The following PABPC3 variants were observed in gnomAD, a reference collection of about 807,000 sequenced individuals.
PABPC3 encodes poly(A) binding protein cytoplasmic 3, also known as polyadenylate-binding protein 3.
A neutral mutation model predicts 43.0 loss-of-function variants in PABPC3; 43 were observed. The ratio of observed to expected loss-of-function variants is 1.00; its 90% CI spans 0.78 to 1.29. The LOEUF (loss-of-function observed/expected upper bound fraction) is 1.29, where lower values mean the gene tolerates loss of function less well. PABPC3 is among the 50% of genes most tolerant of loss of function. The pLI, the probability that PABPC3 is intolerant of heterozygous loss-of-function variation, is 0.00. For missense variants in PABPC3, 784 were observed against 798.1 expected, an observed-to-expected ratio of 0.98 and a Z score of 0.21; for synonymous variants, 221 against 274.6, an observed-to-expected ratio of 0.80 and a Z score of 1.93.
chr13:25,096,546 T>C lies in PABPC3; in HGVS notation c.348T>C (p.Tyr116=). ...AGTCCATTAATAATAAAGCACTGTATGATACAGTTTCTGCTTTTGGTAACA... is the reference window on the plus strand; with the variant it reads ...AGTCCATTAATAATAAAGCACTGTACGATACAGTTTCTGCTTTTGGTAACA... ...LDKSINNKAL[Y]DTVSAFGNIL... Residue 116 remains tyrosine (Y), a synonymous_variant, in exon 1 of 1, where the codon TAT becomes TAC. Transcript: ENST00000281589. 1 of 1,614,258 alleles carries C rather than the reference T, an allele frequency of 6.2e-7. No individual in the cohort carries two copies. Among genetic ancestry groups the C allele is most frequent in the South Asian group, 1.1e-5 (1 of 91,088 alleles).
chr13:25,097,666 G>C lies in PABPC3; in HGVS notation c.1468G>C (p.Ala490Pro), dbSNP rs759492184. Residue 490 changes from alanine to proline, a missense_variant, in exon 1 of 1, where the codon GCT (alanine) becomes CCT (proline). Transcript: ENST00000281589. Reference protein sequence around the residue: ...STQTVGPRPAAAAAAAATPAV... With the variant: ...STQTVGPRPAPAAAAAATPAV... ...ACAGACAGTGGGTCCACGTCCTGCA[G>C]CTGCTGCTGCTGCTGCAGCTACCCC... 6 of 1,462,640 alleles carry C rather than the reference G, an allele frequency of 4.1e-6. No individual in the cohort carries two copies. The East Asian group carries it at 1.3e-4, about 33-fold the overall frequency. The allele number at this position is 1,462,640 out of a possible 1,614,324, so 90.6% of individuals were successfully genotyped here.
rs1271880617 is a variant in PABPC3 at position 25,097,736 on chromosome 13, G to C, written c.1538G>C (p.Arg513Pro). 3 of 1,614,030 alleles carry C rather than the reference G, an allele frequency of 1.9e-6. No homozygotes were observed. The highest frequency in any genetic ancestry group is 2.7e-5 in the African/African-American group (2 of 75,016). ...VPRYKYAAGV[R>P]NPQQHRNAQP... ...CGGTATAAATATGCTGCGGGAGTTC[G>C]CAATCCTCAGCAACATCGTAATGCA... Residue 513 changes from arginine to proline, a missense_variant, in exon 1 of 1, where the codon CGC becomes CCC. By Grantham distance (103) the Arg-to-Pro change is moderately radical. Coordinates refer to ENST00000281589, the MANE Select transcript of PABPC3 (RefSeq NM_030979.3).
Position 25,096,374 on chromosome 13 carries a change from T to G in PABPC3, c.176T>G (p.Phe59Cys), listed in dbSNP as rs370068068. 2.4e-5 allele frequency: 39 copies of G among 1,614,112 alleles called. No homozygotes were observed. The highest frequency in any genetic ancestry group is 1.6e-4 in the Middle Eastern group (1 of 6,084). Residue 59 changes from phenylalanine to cysteine, a missense_variant, in exon 1 of 1, where the codon TTC (phenylalanine) becomes TGC (cysteine). Physicochemically the swap from Phe to Cys is radical, Grantham distance 205. Transcript: ENST00000281589. ...SGSSNYAYVN[F>C]QHTKDAEHAL... ...TCCTCCAACTACGCGTATGTGAACT[T>G]CCAGCATACGAAGGACGCGGAGCAT...
chr13:25,097,910 C>T lies in PABPC3; in HGVS notation c.1712C>T (p.Thr571Ile). The T allele has an allele frequency of 6.2e-7, 1 of 1,613,948 alleles. No individual in the cohort carries two copies. Among genetic ancestry groups the T allele is most frequent in the East Asian group, 2.2e-5 (1 of 44,892 alleles). ...CCTCTTATTCAAGCCATGCACCCTA[C>T]TCTTGCTGGGAAAATCACTGGCATG... is the stretch of plus-strand genomic sequence containing the variant. Reference protein sequence around the residue: ...LFPLIQAMHPTLAGKITGMLL... With the variant: ...LFPLIQAMHPILAGKITGMLL... The change falls in exon 1 of 1, where the codon ACT (threonine) becomes ATT (isoleucine). Residue 571 changes from threonine to isoleucine, a missense_variant. Thr to Ile is a moderately conservative substitution (Grantham distance 89). Coordinates refer to ENST00000281589, the MANE Select transcript of PABPC3 (RefSeq NM_030979.3).
At position 25,096,899 on chromosome 13, in the gene PABPC3, G is replaced by A; in HGVS notation, c.701G>A (p.Gly234Glu). ...GAAAGTGGAAAATCCAAAGGATTTG[G>A]ATTTGTAAGCTTTGAAAGGCATGAA... ...TDESGKSKGF[G>E]FVSFERHEDA... The change falls in exon 1 of 1, where the codon GGA becomes GAA. Residue 234 changes from glycine to glutamate, a missense_variant. Gly to Glu is a moderately conservative substitution (Grantham distance 98). Coordinates refer to ENST00000281589, the MANE Select transcript of PABPC3 (RefSeq NM_030979.3). The A allele has an allele frequency of 6.2e-7, 1 of 1,614,274 alleles. No homozygotes were observed.
chr13:25,097,866 G>A lies in PABPC3; in HGVS notation c.1668G>A (p.Met556Ile), dbSNP rs1956054480. ...ASAPPQKQKQMLGERLFPLIQ... is the reference protein window; with the variant it reads ...ASAPPQKQKQILGERLFPLIQ... ...CCCCTCCTCAAAAGCAAAAGCAAAT[G>A]TTAGGTGAACGGCTCTTTCCTCTTA... Residue 556 changes from methionine to isoleucine, a missense_variant, in exon 1 of 1, where the codon ATG (methionine) becomes ATA (isoleucine). Transcript: ENST00000281589. 2.5e-6 allele frequency: 4 copies of A among 1,613,990 alleles called. No homozygotes were observed. The highest frequency in any genetic ancestry group is 3.4e-6 in the Non-Finnish European group (4 of 1,179,880).
chr13:25,097,723 G>C lies in PABPC3; in HGVS notation c.1525G>C (p.Ala509Pro), dbSNP rs752197668. 6.2e-6 allele frequency: 10 copies of C among 1,614,040 alleles called. No homozygotes were observed. Among genetic ancestry groups the C allele is most frequent in the Non-Finnish European group, 8.5e-6 (10 of 1,180,040 alleles). Reference protein sequence around the residue: ...AVRTVPRYKYAAGVRNPQQHR... With the variant: ...AVRTVPRYKYPAGVRNPQQHR... ...GCGCACGGTTCCACGGTATAAATAT[G>C]CTGCGGGAGTTCGCAATCCTCAGCA... Residue 509 changes from alanine (A) to proline (P), a missense_variant, in exon 1 of 1, where the codon GCT becomes CCT. Coordinates refer to ENST00000281589, the MANE Select transcript of PABPC3 (RefSeq NM_030979.3).
rs1420066192 is a variant in PABPC3 at position 25,098,394 on chromosome 13, G to C, written c.*300G>C. On this transcript the variant is annotated 3_prime_UTR_variant, in exon 1 of 1. Coordinates refer to ENST00000281589, the MANE Select transcript of PABPC3 (RefSeq NM_030979.3). ...TAATGTTTTGTAGACCCTGGGAAAA[G>C]AATTTTCAGCAAAGTACAAAAATTT... 7.3e-6 allele frequency: 2 copies of C among 274,796 alleles called. No homozygotes were observed. Among genetic ancestry groups the C allele is most frequent in the African/African-American group, 4.6e-5 (2 of 43,864 alleles). The allele number at this position is 274,796 out of a possible 1,614,324, so 17.0% of individuals were successfully genotyped here.
rs1055177811 is a variant in PABPC3, at chr13:25,097,649, T to C, written c.1451T>C (p.Val484Ala). ...GTTGCTAACACATCAACACAGACAG[T>C]GGGTCCACGTCCTGCAGCTGCTGCT... ...QRVANTSTQTVGPRPAAAAAA... is the reference protein window; with the variant it reads ...QRVANTSTQTAGPRPAAAAAA... The change falls in exon 1 of 1, where the codon GTG (valine) becomes GCG (alanine). Residue 484 changes from valine (V) to alanine (A), a missense_variant. By Grantham distance (64) the Val-to-Ala change is moderately conservative (BLOSUM62 0). Coordinates refer to ENST00000281589, the MANE Select transcript of PABPC3 (RefSeq NM_030979.3). 3.1e-6 allele frequency: 5 copies of C among 1,614,036 alleles called. No homozygotes were observed. The highest frequency in any genetic ancestry group is 3.3e-5 in the Admixed American group (2 of 60,004).
chr13:25,098,408 G>C lies in PABPC3; in HGVS notation c.*314G>C, dbSNP rs1184709340. 3 of 255,252 alleles carry C rather than the reference G, an allele frequency of 1.2e-5. No individual in the cohort carries two copies. The highest frequency in any genetic ancestry group is 2.4e-5 in the Non-Finnish European group (3 of 125,978). The allele number at this position is 255,252 out of a possible 1,614,324, so 15.8% of individuals were successfully genotyped here. ...CCCTGGGAAAAGAATTTTCAGCAAA[G>C]TACAAAAATTTAAAGCATTCCTTTA... On this transcript the variant is annotated 3_prime_UTR_variant, in exon 1 of 1. Coordinates refer to ENST00000281589, the MANE Select transcript of PABPC3 (RefSeq NM_030979.3).
rs1956039010 is a variant in PABPC3 at position 25,096,631 on chromosome 13, T to C, written c.433T>C (p.Phe145Leu). The C allele has an allele frequency of 6.2e-7, 1 of 1,614,266 alleles. No homozygotes were observed. The highest frequency in any genetic ancestry group is 8.5e-7 in the Non-Finnish European group (1 of 1,180,050). The change falls in exon 1 of 1, where the codon TTT becomes CTT. Residue 145 changes from phenylalanine (F) to leucine (L), a missense_variant. Transcript: ENST00000281589. Reference sequence around the variant, plus strand: ...TTCCAAGGGTTATGGATTTGTACACTTTGAGACACACGAAGCAGCTGAAAG... The same window carrying C: ...TTCCAAGGGTTATGGATTTGTACACCTTGAGACACACGAAGCAGCTGAAAG... ...NGSKGYGFVH[F>L]ETHEAAERAI... is the part of the protein sequence containing the mutation.
Position 25,096,434 on chromosome 13 carries a change from G to A in PABPC3, c.236G>A (p.Gly79Asp), listed in dbSNP as rs769653024. 6.8e-6 allele frequency: 11 copies of A among 1,614,074 alleles called. No individual in the cohort carries two copies. The highest frequency in any genetic ancestry group is 5.0e-5 in the Admixed American group (3 of 60,004). The change falls in exon 1 of 1, where the codon GGC becomes GAC. Residue 79 changes from glycine to aspartate, a missense_variant. Coordinates refer to ENST00000281589, the MANE Select transcript of PABPC3 (RefSeq NM_030979.3). ...LDTMNFDVIK[G>D]KPVRIMWSQR... is the part of the protein sequence containing the mutation. Reference sequence around the variant, plus strand: ...ACCATGAATTTTGATGTTATAAAGGGCAAGCCAGTACGCATCATGTGGTCT... The same window carrying A: ...ACCATGAATTTTGATGTTATAAAGGACAAGCCAGTACGCATCATGTGGTCT...
In PABPC3 at chr13:25,096,886, T is replaced by C; in HGVS notation, c.688T>C (p.Ser230Pro). 6.2e-7 allele frequency: 1 copy of C among 1,614,254 alleles called. No individual in the cohort carries two copies. The highest frequency in any genetic ancestry group is 8.5e-7 in the Non-Finnish European group (1 of 1,180,034). Residue 230 changes from serine (S) to proline (P), a missense_variant, in exon 1 of 1, where the codon TCC (serine) becomes CCC (proline). Transcript: ENST00000281589. ...AGTAATGACCGATGAAAGTGGAAAA[T>C]CCAAAGGATTTGGATTTGTAAGCTT... ...VKVMTDESGK[S>P]KGFGFVSFER...
In PABPC3 at chr13:25,098,428, C is replaced by T; in HGVS notation, c.*334C>T. 1 of 234,072 alleles carries T rather than the reference C, an allele frequency of 4.3e-6. No individual in the cohort carries two copies. The highest frequency in any genetic ancestry group is 7.9e-5 in the South Asian group (1 of 12,616). 14.5% of individuals were successfully genotyped at this position (234,072 alleles called of 1,614,324 possible). On this transcript the variant is annotated 3_prime_UTR_variant, in exon 1 of 1. Coordinates refer to ENST00000281589, the MANE Select transcript of PABPC3 (RefSeq NM_030979.3). ...GCAAAGTACAAAAATTTAAAGCATT[C>T]CTTTAATTTTTTAATTCTTTACTGT... is the stretch of plus-strand genomic sequence containing the variant.
chr13:25,096,954 TGGAAA>T, the PABPC3 span: 2 of 1,614,140 alleles, frequency 1.2e-6, no homozygotes, highest in Non-Finnish European at 1.7e-6. Context: ...ATGAGATGAA[TGGAAA>T]GGAGCTCAAT....
rs1342937848 is a variant in PABPC3 at position 25,098,952 on chromosome 13, T to C, written c.*858T>C. On this transcript the variant is annotated 3_prime_UTR_variant, in exon 1 of 1. Coordinates refer to ENST00000281589, the MANE Select transcript of PABPC3 (RefSeq NM_030979.3). ...AATAATAATTGTACATAGTTATTTC[T>C]TGGTTTATCAATTTTGTAATTTAAC... 6.0e-6 allele frequency: 1 copy of C among 166,968 alleles called. No homozygotes were observed. The highest frequency in any genetic ancestry group is 1.5e-5 in the Non-Finnish European group (1 of 68,060). 10.3% of individuals were successfully genotyped at this position (166,968 alleles called of 1,614,324 possible). A position where few individuals can be genotyped will look rare whatever the true frequency, so the allele number is the denominator to read the frequency against.
Position 25,097,439 on chromosome 13 carries a change from C to G in PABPC3, c.1241C>G (p.Ala414Gly). 1.2e-6 allele frequency: 2 copies of G among 1,614,240 alleles called. No homozygotes were observed. The highest frequency in any genetic ancestry group is 1.7e-6 in the Non-Finnish European group (2 of 1,180,046). ...MTAVPQTQNH[A>G]AYYPPSQIAR... ...GCTGTCCCACAGACTCAGAACCATG[C>G]TGCATACTATCCTCCTAGCCAAATT... The change falls in exon 1 of 1, where the codon GCT (alanine) becomes GGT (glycine). Residue 414 changes from alanine (A) to glycine (G), a missense_variant. Transcript: ENST00000281589.
Position 25,097,682 on chromosome 13 carries a change from C to T in PABPC3, c.1484C>T (p.Ala495Val), listed in dbSNP as rs200679039. Residue 495 changes from alanine to valine, a missense_variant, in exon 1 of 1, where the codon GCA becomes GTA. Transcript: ENST00000281589. ...GPRPAAAAAA[A>V]ATPAVRTVPR... ...CGTCCTGCAGCTGCTGCTGCTGCTG[C>T]AGCTACCCCTGCTGTGCGCACGGTT... 262 of 1,614,102 alleles carry T rather than the reference C, an allele frequency of 1.6e-4. No homozygotes were observed. The East Asian group carries it at 5.0e-3, about 31-fold the overall frequency.
In PABPC3 at chr13:25,098,812, AAT is replaced by A. The variant is rs1368509004; in HGVS notation, c.*720_*721del. The stretch of plus-strand genomic sequence containing the variant: ...TATACTGCATTATTTTTAAATAAAA[AAT>A]AAATACATAGTTTTAAAAATCTAAT... On this transcript the variant is annotated 3_prime_UTR_variant, in exon 1 of 1. Transcript: ENST00000281589. 1.8e-5 allele frequency: 3 copies of A among 164,600 alleles called. No individual in the cohort carries two copies. The highest frequency in any genetic ancestry group is 1.5e-5 in the Non-Finnish European group (1 of 68,048). The allele number at this position is 164,600 out of a possible 1,614,324, so 10.2% of individuals were successfully genotyped here.
Sources: gnomAD v4.1 joint callset for allele counts on GRCh38, gnomAD v4.1.1 for gene constraint, MANE v1.5 for transcripts, NCBI Gene and HGNC (gene_info 2026-07-23, HGNC 2026-07-21) for gene names.